Variants in KANSL1 observed in about 807,000 individuals in gnomAD.
The protein encoded by KANSL1 is KAT8 regulatory NSL complex subunit 1, also known as MLL1/MLL complex subunit KANSL1.
A neutral mutation model predicts 103.6 loss-of-function variants in KANSL1; 22 were observed. That is an observed-to-expected ratio of 0.21 (90% CI 0.15 to 0.30). The LOEUF is 0.30. Among genes scored for constraint, KANSL1 ranks in the 10% least tolerant of loss-of-function variants. The pLI is 1.00. For synonymous variants in KANSL1, 600 were observed against 527.6 expected (o/e 1.14, Z -1.88); for missense variants, 1,337 against 1,399.8 (o/e 0.96, Z 0.72).
At chr17:46,217,466 ACT>A (rs1418264074) in intron 1 of KANSL1, among the ~76,000 whole-genome samples, 2 of 149,070 alleles carry the variant, frequency 1.3e-5, no homozygotes, top group African/African-American at 4.9e-5. Flanking sequence ...ACAAAGAGAG[ACT>A]CTAAAAAAAA....
intron 1 of KANSL1, among the ~76,000 whole-genome samples, chr17:46,203,253 G>A (rs1042601922): frequency 2.0e-5 from 3 of 152,102 alleles, no homozygotes; most frequent in African/African-American, 7.2e-5. Flanking sequence ...AAAAAAGAAA[G>A]AAATCCTTCA....
intron 4 of KANSL1, among the ~76,000 whole-genome samples, chr17:46,074,701 A>G (rs1422914120): frequency 3.3e-5 from 5 of 151,844 alleles, no homozygotes; most frequent in Non-Finnish European, 5.9e-5. Flanking sequence ...CAGGGAGGTG[A>G]AGGCTGGAGT....
chr17:46,141,989 A>T (rs2044445069), intron 2 of KANSL1, among the ~76,000 whole-genome samples: 1 of 152,202 alleles, frequency 6.6e-6, no homozygotes, highest in African/African-American at 2.4e-5. Flanking sequence ...ACCAGGTTCA[A>T]GCGATTCTCC....
intron 1 of KANSL1, among the ~76,000 whole-genome samples, chr17:46,210,659 T>C (rs1018461013): frequency 2.0e-5 from 3 of 152,144 alleles, no homozygotes; most frequent in African/African-American, 7.2e-5. Context: ...CATTTTAATA[T>C]ATTGTACAAA....
In KANSL1 at chr17:46,172,088, C is replaced by T. The variant is rs767960522; in HGVS notation, c.56G>A (p.Arg19Gln). The change falls in exon 2 of 15, where the codon CGG (arginine) becomes CAG (glutamine). Residue 19 changes from arginine to glutamine, a missense_variant. Around this residue, in one of 2 missense-constraint regions of KANSL1, gnomAD observed 557 missense variants for 476.4 expected, o/e 1.17. Transcript: ENST00000432791. ...TDAAAEAHHI[R>Q]FKLAPPSSTL... ...AGAGGATGGGGGAGCCAGTTTGAAC[C>T]GGATATGGTGTGCTTCAGCTGCTGC... The T allele has an allele frequency of 3.8e-5, 62 of 1,612,792 alleles. No homozygotes were observed. Among genetic ancestry groups the T allele is most frequent in the Middle Eastern group, 3.3e-4 (2 of 6,012 alleles).
chr17:46,124,057 G>A (rs2043402867), intron 2 of KANSL1, among the ~76,000 whole-genome samples: 1 of 152,152 alleles, frequency 6.6e-6, no homozygotes, highest in Non-Finnish European at 1.5e-5. Context: ...ATTTTAAGGT[G>A]AAGGCCAATG....
At chr17:46,067,809 A>T (rs1598531360) in intron 4 of KANSL1, 142 bp from the exon 5 acceptor site, 1 of 593,386 alleles carries the variant, frequency 1.7e-6, no homozygotes, top group East Asian at 2.8e-5. Flanking sequence ...CTGAAGAAAA[A>T]GAAAATAAGA....
intron 4 of KANSL1, among the ~76,000 whole-genome samples, chr17:46,071,440 C>A (rs528058147): frequency 6.6e-6 from 1 of 152,172 alleles, no homozygotes; most frequent in Non-Finnish European, 1.5e-5. Flanking sequence ...ATATTAATCC[C>A]AATCACAGTG....
At chr17:46,109,146 C>T (rs1325840567) in intron 2 of KANSL1, among the ~76,000 whole-genome samples, 4 of 152,076 alleles carry the variant, frequency 2.6e-5, no homozygotes, top group Admixed American at 1.3e-4. Flanking sequence ...TGGAGCCTCA[C>T]GATGTTGCCC....
intron 2 of KANSL1, among the ~76,000 whole-genome samples, chr17:46,158,063 A>G (rs1038420651): frequency 6.6e-6 from 1 of 152,266 alleles, no homozygotes; most frequent in African/African-American, 2.4e-5. Context: ...AAATTCTATG[A>G]AAGGCAACTA....
chr17:46,045,564 A>AT (rs1370697304), intron 7 of KANSL1: 1 of 152,126 alleles, frequency 6.6e-6, no homozygotes. Flanking sequence ...AACAAATAGG[A>AT]TTAGATGCAG....
Position 46,039,147 on chromosome 17 carries a change from G to C in KANSL1, c.2272C>G (p.Pro758Ala), listed in dbSNP as rs775407416. Reference protein sequence around the residue: ...RQHLDDVGAVPMVERVTAPKA... With the variant: ...RQHLDDVGAVAMVERVTAPKA... ...GGCGCTGTCACTCGCTCCACCATGG[G>C]CACGGCCCCCACATCGTCTAAGTGC... is the stretch of plus-strand genomic sequence containing the variant. The change falls in exon 9 of 15, where the codon CCC becomes GCC. Residue 758 changes from proline (P) to alanine (A), a missense_variant. Transcript: ENST00000432791. The C allele has an allele frequency of 1.2e-6, 2 of 1,612,216 alleles. No individual in the cohort carries two copies. The highest frequency in any genetic ancestry group is 2.2e-5 in the South Asian group (2 of 90,878).
At chr17:46,152,939 T>C (rs2045201820) in intron 2 of KANSL1, 2 of 152,254 alleles carry the variant, frequency 1.3e-5, no homozygotes, top group South Asian at 4.1e-4. Context: ...ATCCCTTTCT[T>C]TCTTTATTCT....
intron 2 of KANSL1, among the ~76,000 whole-genome samples, chr17:46,146,245 T>C (rs981115048): frequency 6.6e-6 from 1 of 152,206 alleles, no homozygotes; most frequent in Non-Finnish European, 1.5e-5. Context: ...ACGTCTAGTT[T>C]TCATGAGAAC....
At chr17:46,167,068 A>C (rs934168230) in intron 2 of KANSL1, among the ~76,000 whole-genome samples, 1 of 151,432 alleles carries the variant, frequency 6.6e-6, no homozygotes, top group African/African-American at 2.4e-5. Flanking sequence ...AAAAAAAAAA[A>C]CTTAGGAGAG....
At chr17:46,204,412 C>T (rs1025007301) in intron 1 of KANSL1, among the ~76,000 whole-genome samples, 40 of 152,092 alleles carry the variant, frequency 2.6e-4, no homozygotes, top group Admixed American at 1.8e-3. Flanking sequence ...TTGCAGTGAG[C>T]GGAGATCACA....
intron 10 of KANSL1, chr17:46,034,588 G>A (rs970398621): frequency 5.9e-6 from 2 of 341,652 alleles, no homozygotes; most frequent in African/African-American, 4.4e-5. Flanking sequence ...TAACTGTTGG[G>A]GTTCCTACTC....
chr17:46,218,409 G>A (rs1333135454), intron 1 of KANSL1, among the ~76,000 whole-genome samples: 3 of 152,234 alleles, frequency 2.0e-5, no homozygotes, highest in Non-Finnish European at 4.4e-5. Flanking sequence ...AAGGTTCTAA[G>A]AGGTTAATGA....
chr17:46,068,956 C>T (rs1241245498), intron 4 of KANSL1, among the ~76,000 whole-genome samples: 1 of 152,078 alleles, frequency 6.6e-6, no homozygotes, highest in African/African-American at 2.4e-5. Flanking sequence ...GATGAAGTCT[C>T]GCTATCCCGC....
Sources: gnomAD v4.1 joint callset for allele counts (sites outside exome capture counted in the v4.1 genomes callset) on GRCh38, gnomAD v4.1.1 for gene constraint, gnomAD v4.1.1 regional missense constraint, MANE v1.5 for transcripts, NCBI Gene and HGNC (gene_info 2026-07-23, HGNC 2026-07-21) for gene names.